EYS: variants seen among roughly 807,000 people sequenced by gnomAD.
EYS encodes the protein EGF-like photoreceptor maintenance factor.
A neutral mutation model predicts 282.1 loss-of-function variants in EYS; 250 were observed. That is an observed-to-expected ratio of 0.89 (90% CI 0.80 to 0.98). EYS has a LOEUF of 0.98. Ranked by LOEUF, EYS falls within the 50% of genes least tolerant of loss-of-function variation. The pLI is 0.00. For synonymous variants in EYS, 1,355 were observed against 1,282.9 expected (o/e 1.06, Z -1.20); for missense variants, 4,016 against 3,709.0 (o/e 1.08, Z -2.15).
At chr6:64,548,595 G>A (rs1311459560) in intron 26 of EYS, among the ~76,000 whole-genome samples, 3 of 152,040 alleles carry the variant, frequency 2.0e-5, no homozygotes, top group Non-Finnish European at 4.4e-5. Flanking sequence ...ACCAAACACC[G>A]CATGTTCTCA....
intron 26 of EYS, among the ~76,000 whole-genome samples, chr6:64,450,328 C>T (rs531506464): frequency 2.0e-5 from 3 of 152,258 alleles, no homozygotes; most frequent in Non-Finnish European, 2.9e-5. Flanking sequence ...TATATATGCA[C>T]CCAATACAGG....
intron 27 of EYS, among the ~76,000 whole-genome samples, chr6:64,438,056 G>C (rs907100355): frequency 5.9e-5 from 9 of 151,696 alleles, no homozygotes; most frequent in Non-Finnish European, 1.2e-4. Flanking sequence ...CAGGTATTCA[G>C]AGCAGGGATA....
chr6:65,481,822 G>A (rs966513241), intron 5 of EYS, among the ~76,000 whole-genome samples: 5 of 151,888 alleles, frequency 3.3e-5, no homozygotes, highest in African/African-American at 9.7e-5. Context: ...CATCCGCCTC[G>A]GCCTCCCAAA....
intron 35 of EYS, among the ~76,000 whole-genome samples, chr6:63,932,551 C>T (rs1046340275): frequency 1.3e-5 from 2 of 152,142 alleles, no homozygotes; most frequent in African/African-American, 2.4e-5. Context: ...TGTTCTATTT[C>T]CTAATATTTG....
chr6:63,984,406 G>A lies in EYS; in HGVS notation c.7032C>T (p.Cys2344=). The part of the protein sequence containing the change: ...CHVPWCAHHL[C]RNNGTCISDN... ...ACCTGATGCAGGTGCCATTGTTGCGGCACAGATGATGAGCACACCAAGGGA... is the reference window on the plus strand; with the variant it reads ...ACCTGATGCAGGTGCCATTGTTGCGACACAGATGATGAGCACACCAAGGGA... The change falls in exon 35 of 43, where the codon TGC becomes TGT. Residue 2344 remains cysteine, a synonymous_variant. Transcript: ENST00000503581. 1 of 1,548,932 alleles carries A rather than the reference G, an allele frequency of 6.5e-7. No individual in the cohort carries two copies. The highest frequency in any genetic ancestry group is 8.7e-7 in the Non-Finnish European group (1 of 1,144,988).
At chr6:64,247,262 T>TA (rs1429018396) in intron 30 of EYS, among the ~76,000 whole-genome samples, 1 of 152,138 alleles carries the variant, frequency 6.6e-6, no homozygotes, top group Non-Finnish European at 1.5e-5. Context: ...CAAGGTGACA[T>TA]AATTAAAAAT....
At chr6:65,629,868 T>A (rs1322089036) in intron 2 of EYS, among the ~76,000 whole-genome samples, 1 of 152,052 alleles carries the variant, frequency 6.6e-6, no homozygotes, top group Non-Finnish European at 1.5e-5. Context: ...TAAAATGACC[T>A]CAATATTCTA....
chr6:65,610,283 T>C lies in EYS; in HGVS notation c.-333+29495A>G, dbSNP rs1041948186. Among the ~76,000 whole-genome samples the C allele has an allele frequency of 4.0e-5, 6 of 151,756 alleles. No homozygotes were observed. The South Asian group carries it at 6.2e-4, about 16-fold the overall frequency. ...ATTGTGTTGTTCTTTTTTTCCCCCT[T>C]TTTTAACTATTCTTAACATATCAGA... On this transcript the variant is annotated intron_variant, in intron 2 of 42. Transcript: ENST00000503581.
intron 35 of EYS, among the ~76,000 whole-genome samples, chr6:63,932,776 C>A (rs927670260): frequency 1.3e-5 from 2 of 152,190 alleles, no homozygotes; most frequent in African/African-American, 4.8e-5. Flanking sequence ...CAGTAGACAC[C>A]AGTTGACATC....
chr6:63,939,074 C>T (rs1765156736), intron 35 of EYS, among the ~76,000 whole-genome samples: 1 of 151,424 alleles, frequency 6.6e-6, no homozygotes, highest in Non-Finnish European at 1.5e-5. Context: ...GGAACAGAGG[C>T]TTTCTGAAAG....
intron 12 of EYS, among the ~76,000 whole-genome samples, chr6:65,120,748 C>G (rs1035306613): frequency 6.6e-6 from 1 of 152,058 alleles, no homozygotes; most frequent in Non-Finnish European, 1.5e-5. Flanking sequence ...CAATTTTAGC[C>G]TCTCGTTCAC....
At chr6:63,950,805 C>G (rs964614107) in intron 35 of EYS, among the ~76,000 whole-genome samples, 1 of 152,148 alleles carries the variant, frequency 6.6e-6, no homozygotes, top group Non-Finnish European at 1.5e-5. Context: ...TCCTTTCAAT[C>G]TTGGTGCCAC....
chr6:64,648,507 C>T (rs1668341958), intron 22 of EYS, among the ~76,000 whole-genome samples: 1 of 152,040 alleles, frequency 6.6e-6, no homozygotes, highest in Admixed American at 6.6e-5. Context: ...GGTCTGAAAC[C>T]ACTACAATCT....
intron 22 of EYS, among the ~76,000 whole-genome samples, chr6:64,726,957 T>C (rs1056910082): frequency 6.6e-6 from 1 of 152,158 alleles, no homozygotes; most frequent in Non-Finnish European, 1.5e-5. Flanking sequence ...AGCATGCATG[T>C]GTAATTTGCA....
intron 22 of EYS, among the ~76,000 whole-genome samples, chr6:64,779,812 T>A (rs2149992593): frequency 6.6e-6 from 1 of 152,290 alleles, no homozygotes; most frequent in South Asian, 2.1e-4. Flanking sequence ...ATAAGAGCTA[T>A]AAATTAAACA....
intron 12 of EYS, among the ~76,000 whole-genome samples, chr6:65,231,145 T>C (rs778501977): frequency 8.5e-5 from 3 of 35,358 alleles, no homozygotes; most frequent in African/African-American, 1.9e-4. Flanking sequence ...ATATATACTT[T>C]TATATATATA....
chr6:64,592,115 T>C (rs1766431810), intron 25 of EYS, 126 bp from the exon 26 acceptor site: 1 of 560,742 alleles, frequency 1.8e-6, no homozygotes, highest in African/African-American at 1.9e-5. Flanking sequence ...ACAAATATGG[T>C]TCTGTAAATC....
chr6:63,830,274 G>C (rs1352837749), intron 36 of EYS, among the ~76,000 whole-genome samples: 1 of 152,196 alleles, frequency 6.6e-6, no homozygotes, highest in Non-Finnish European at 1.5e-5. Flanking sequence ...ACTCCTCCCA[G>C]CTAAAGGAGG....
intron 12 of EYS, among the ~76,000 whole-genome samples, chr6:65,240,837 G>A (rs1212889584): frequency 6.6e-6 from 1 of 152,022 alleles, no homozygotes; most frequent in African/African-American, 2.4e-5. Context: ...ATTTCTGTTC[G>A]AAGTTCTTTG....
Sources: allele counts gnomAD v4.1 joint callset (sites outside exome capture counted in the v4.1 genomes callset), GRCh38; gene constraint gnomAD v4.1.1; transcripts MANE v1.5; gene names NCBI Gene and HGNC (gene_info 2026-07-23, HGNC 2026-07-21).